Variants in CD96 observed in about 807,000 individuals in gnomAD.
The protein encoded by CD96 is T-cell surface protein tactile.
CD96 carries 70 observed loss-of-function variants against 71.3 expected under a neutral mutation model. That is an observed-to-expected ratio of 0.98 (90% confidence interval 0.81 to 1.20). The LOEUF (loss-of-function observed/expected upper bound fraction) is 1.20. Among genes scored for constraint, CD96 ranks in the 50% most tolerant of loss-of-function variants. The pLI is 0.00. For missense variants in CD96, 742 were observed against 677.5 expected (o/e 1.10, Z -1.06); for synonymous variants, 248 against 233.0 (o/e 1.06, Z -0.59).
At chr3:111,584,050 A>C (rs1470457736) in intron 4 of CD96, among the ~76,000 whole-genome samples, 1 of 152,170 alleles carries the variant, frequency 6.6e-6, no homozygotes, top group African/African-American at 2.4e-5. Flanking sequence ...TATAAAACTG[A>C]GTGCCTTTAA....
chr3:111,603,501 C>T (rs532692493), intron 7 of CD96, among the ~76,000 whole-genome samples: 1 of 151,812 alleles, frequency 6.6e-6, no homozygotes, highest in East Asian at 1.9e-4. Context: ...AATCATGGCA[C>T]TGCTGAGTCT....
chr3:111,640,303 G>A lies in CD96; in HGVS notation c.1477+2135G>A, dbSNP rs564628583. Among the ~76,000 whole-genome samples the A allele has an allele frequency of 5.7e-4, 87 of 152,168 alleles. 2 individuals are homozygous for A. Among genetic ancestry groups the A allele is most frequent in the Non-Finnish European group, 5.6e-4 (38 of 67,976 alleles). ...GCTTAAAGAAAAAAAACAATCAAAA[G>A]TTCAGGAAACTTTAGACACACTTTT... On this transcript the variant is annotated intron_variant, in intron 12 of 13. Coordinates refer to ENST00000352690, the MANE Select transcript of CD96 (RefSeq NM_005816.5).
rs77738677 is a variant in CD96, at chr3:111,623,753, G to C, written c.1181-1G>C. On this transcript the variant is annotated splice_acceptor_variant, in intron 8 of 13. Transcript: ENST00000352690. LOFTEE classifies it high-confidence loss of function. Reference sequence around the variant, plus strand: ...ATTTGGGAATTTTATTTTCAAAATAGGATATCCAGCTACATCTTCAGTGAC... The same window carrying C: ...ATTTGGGAATTTTATTTTCAAAATACGATATCCAGCTACATCTTCAGTGAC... 5.0e-6 allele frequency: 8 copies of C among 1,598,506 alleles called. No homozygotes were observed. The highest frequency in any genetic ancestry group is 6.9e-6 in the Non-Finnish European group (8 of 1,165,900).
chr3:111,550,158 T>C (rs760429425), intron 2 of CD96, among the ~76,000 whole-genome samples: 5 of 152,166 alleles, frequency 3.3e-5, no homozygotes, highest in Admixed American at 6.6e-5. Context: ...GGAATAGCCA[T>C]CAATTATAAA....
At chr3:111,597,337 T>C (rs982386565) in intron 5 of CD96, among the ~76,000 whole-genome samples, 1 of 152,198 alleles carries the variant, frequency 6.6e-6, no homozygotes, top group African/African-American at 2.4e-5. Flanking sequence ...AGAACAAACA[T>C]AGCATTGAAA....
chr3:111,577,649 C>T, intron 3 of CD96: 1 of 835,714 alleles, frequency 1.2e-6, no homozygotes, highest in Admixed American at 1.7e-5. Context: ...AAATCCTAGC[C>T]AGATTCAGCT....
intron 12 of CD96, among the ~76,000 whole-genome samples, chr3:111,642,853 C>G (rs1939655856): frequency 6.6e-6 from 1 of 151,406 alleles, no homozygotes. Flanking sequence ...AAAACAAAGT[C>G]CAGGCCCAGA....
At chr3:111,655,127 T>C (rs779303280), downstream of CD96, among the ~76,000 whole-genome samples, 2 of 152,222 alleles carry the variant, frequency 1.3e-5, no homozygotes, top group African/African-American at 2.4e-5. Flanking sequence ...TTGGGTTGCA[T>C]TGGATTTTTC....
chr3:111,626,521 G>A (rs1048054108), intron 10 of CD96, among the ~76,000 whole-genome samples: 5 of 151,788 alleles, frequency 3.3e-5, no homozygotes, highest in African/African-American at 9.7e-5. Context: ...CCATCCTTTG[G>A]CATTGTATTT....
intron 14 of CD96, among the ~76,000 whole-genome samples, chr3:111,659,161 C>T (rs1010192866): frequency 1.3e-5 from 2 of 152,142 alleles, no homozygotes; most frequent in African/African-American, 4.8e-5. Flanking sequence ...GATTTTCTAA[C>T]TTCTGTGCAT....
At chr3:111,555,599 G>C (rs1363995068) in intron 2 of CD96, among the ~76,000 whole-genome samples, 6 of 152,288 alleles carry the variant, frequency 3.9e-5, no homozygotes, top group Admixed American at 3.9e-4. Context: ...ATGAGCTTTT[G>C]TTTTTGTTTG....
chr3:111,595,299 C>A (rs1937205562), intron 5 of CD96: 1 of 152,168 alleles, frequency 6.6e-6, no homozygotes, highest in South Asian at 2.1e-4. Flanking sequence ...TGGGTACTTA[C>A]AAGCAGGCAA....
At chr3:111,569,187 C>T (rs1041337925) in intron 3 of CD96, among the ~76,000 whole-genome samples, 1 of 152,064 alleles carries the variant, frequency 6.6e-6, no homozygotes, top group Non-Finnish European at 1.5e-5. Flanking sequence ...GTGCCAAACC[C>T]AAAATAATTG....
At chr3:111,571,028 C>G in intron 3 of CD96, 4 of 1,358,602 alleles carry the variant, frequency 2.9e-6, no homozygotes, top group Non-Finnish European at 3.2e-6. Context: ...TTGGGGTCAG[C>G]GGCTTGTAGG....
chr3:111,576,227 G>T (rs1190795074), intron 3 of CD96, among the ~76,000 whole-genome samples: 1 of 151,984 alleles, frequency 6.6e-6, no homozygotes, highest in African/African-American at 2.4e-5. Flanking sequence ...TTTCTTTGAA[G>T]AACAGGAAAA....
intron 7 of CD96, among the ~76,000 whole-genome samples, chr3:111,604,208 GGCT>G (rs1937563624): frequency 6.6e-6 from 1 of 152,144 alleles, no homozygotes; most frequent in South Asian, 2.1e-4. Context: ...ACAGACCCAT[GGCT>G]GCTGCTGCCC....
intron 4 of CD96, among the ~76,000 whole-genome samples, chr3:111,582,715 GA>G (rs1234757131): frequency 6.6e-6 from 1 of 152,124 alleles, no homozygotes; most frequent in Non-Finnish European, 1.5e-5. Flanking sequence ...AGCAGCAACA[GA>G]AAAATGAGGA....
At chr3:111,617,309 G>A (rs1228290734) in intron 8 of CD96, among the ~76,000 whole-genome samples, 2 of 152,220 alleles carry the variant, frequency 1.3e-5, no homozygotes, top group African/African-American at 4.8e-5. Flanking sequence ...CTGGGAGCCA[G>A]GCTGCCAGTT....
intron 10 of CD96, among the ~76,000 whole-genome samples, chr3:111,626,688 A>C (rs996043744): frequency 3.9e-5 from 6 of 152,248 alleles, no homozygotes; most frequent in Admixed American, 3.9e-4. Context: ...AAATGGCCAT[A>C]GTCAGGAGGA....
Sources: gnomAD v4.1 joint callset for allele counts (sites outside exome capture counted in the v4.1 genomes callset) on GRCh38, gnomAD v4.1.1 for gene constraint, MANE v1.5 for transcripts, NCBI Gene and HGNC (gene_info 2026-07-23, HGNC 2026-07-21) for gene names.